The following TGIF2 variants were observed in gnomAD, a reference collection of about 807,000 sequenced individuals.
TGIF2 encodes homeobox protein TGIF2.
Under a neutral mutation model 15.1 loss-of-function variants are expected in TGIF2, and 5 were observed. The observed-to-expected ratio is 0.33, with a 90% CI of 0.17 to 0.70. The LOEUF (loss-of-function observed/expected upper bound fraction) is 0.70. TGIF2 is among the 30% of genes least tolerant of loss of function. The pLI, the probability that TGIF2 is intolerant of heterozygous loss-of-function variation, is 0.67. For missense variants in TGIF2, 264 were observed against 302.5 expected (o/e 0.87, Z 0.94); for synonymous variants, 131 against 128.9 (o/e 1.02, Z -0.11).
rs2038553542 is a variant in TGIF2 at position 36,581,928 on chromosome 20, C to T, written c.192+2962C>T. Reference sequence around the variant, plus strand: ...ACAGGCGTGAGCCACCATGCCTGGCCCATCTTTTTAAAGAAAACATTTTTC... The same window carrying T: ...ACAGGCGTGAGCCACCATGCCTGGCTCATCTTTTTAAAGAAAACATTTTTC... On this transcript the variant is annotated intron_variant, in intron 2 of 2. Coordinates refer to ENST00000373872, the MANE Select transcript of TGIF2 (RefSeq NM_021809.7). 2.6e-5 allele frequency among the ~76,000 whole-genome samples: 4 copies of T among 152,242 alleles called. No homozygotes were observed. The South Asian group carries it at 8.3e-4, about 32-fold the overall frequency.
Position 36,578,924 on chromosome 20 carries a change from G to A in TGIF2, c.150G>A (p.Glu50=), listed in dbSNP as rs375356918. Residue 50 remains glutamate, a synonymous_variant, in exon 2 of 3, where the codon GAG becomes GAA. Coordinates refer to ENST00000373872, the MANE Select transcript of TGIF2 (RefSeq NM_021809.7). The part of the protein sequence containing the change: ...HRYNAYPSEQ[E]KLSLSGQTNL... The stretch of plus-strand genomic sequence containing the variant: ...ACAACGCCTACCCCTCAGAGCAGGA[G>A]AAGCTGAGCCTTTCTGGACAGACCA... 2 of 1,614,086 alleles carry A rather than the reference G, an allele frequency of 1.2e-6. No homozygotes were observed. The highest frequency in any genetic ancestry group is 2.7e-5 in the African/African-American group (2 of 74,932).
At chr20:36,576,531 G>A (rs749613677) in intron 1 of TGIF2, among the ~76,000 whole-genome samples, 5 of 152,258 alleles carry the variant, frequency 3.3e-5, no homozygotes, top group Non-Finnish European at 7.3e-5. Flanking sequence ...CACAAGAGGG[G>A]GTGGGGAGAG....
intron 2 of TGIF2, among the ~76,000 whole-genome samples, chr20:36,585,465 T>TA (rs998173848): frequency 0.12 from 12,557 of 103,756 alleles, 769 homozygotes; most frequent in Admixed American, 0.17. Flanking sequence ...ACTCTGTCTT[T>TA]AAAAAAAAAA....
rs746266570 is a variant in TGIF2, at chr20:36,593,916, CAAAT to C, written c.*2489_*2492del. ...TGTAAATAACTTTTTTGTCTTTTGT[CAAAT>C]AAAATTTTTTTTTGTTTTTTTAAGC... On this transcript the variant is annotated 3_prime_UTR_variant, in exon 3 of 3. Coordinates refer to ENST00000373872, the MANE Select transcript of TGIF2 (RefSeq NM_021809.7). 10 of 152,446 alleles carry C rather than the reference CAAAT, an allele frequency of 6.6e-5. No individual in the cohort carries two copies. The highest frequency in any genetic ancestry group is 1.2e-4 in the Non-Finnish European group (8 of 68,008). The allele number at this position is 152,446 out of a possible 1,614,324, so 9.4% of individuals were successfully genotyped here.
chr20:36,586,948 C>T (rs85440), intron 2 of TGIF2, among the ~76,000 whole-genome samples: 92,030 of 152,048 alleles, frequency 0.61, 30,881 homozygotes, highest in Non-Finnish European at 0.77. Flanking sequence ...AGTGATTCCT[C>T]CCTTGTTCCT....
upstream of TGIF2, chr20:36,573,553 G>A (rs1473233485): frequency 6.6e-6 from 1 of 151,728 alleles, no homozygotes; most frequent in Non-Finnish European, 1.5e-5. Context: ...GGCGGGTGGG[G>A]GAGGGCGCAG....
Position 36,590,984 on chromosome 20 carries a change from T to A in TGIF2, c.267T>A (p.Asn89Lys). ...DMLRKDGKDP[N>K]QFTISRRGGK... The stretch of plus-strand genomic sequence containing the variant: ...TTCGGAAGGATGGCAAAGACCCTAA[T>A]CAGTTTACCATTTCCCGCCGCGGGG... The change falls in exon 3 of 3, where the codon AAT becomes AAA. Residue 89 changes from asparagine to lysine, a missense_variant. Coordinates refer to ENST00000373872, the MANE Select transcript of TGIF2 (RefSeq NM_021809.7). 2 of 1,575,082 alleles carry A rather than the reference T, an allele frequency of 1.3e-6. No homozygotes were observed. Among genetic ancestry groups the A allele is most frequent in the South Asian group, 2.3e-5 (2 of 87,398 alleles).
chr20:36,579,189 T>G (rs532230821), intron 2 of TGIF2, among the ~76,000 whole-genome samples: 1 of 152,276 alleles, frequency 6.6e-6, no homozygotes, highest in East Asian at 1.9e-4. Flanking sequence ...CCTTTTTTTT[T>G]GAGACGGAGT....
intron 2 of TGIF2, among the ~76,000 whole-genome samples, chr20:36,579,515 A>G (rs1332706838): frequency 1.3e-5 from 2 of 152,204 alleles, no homozygotes; most frequent in Admixed American, 1.3e-4. Context: ...TAATGTTGTC[A>G]AAGTCTAGGT....
At position 36,578,735 on chromosome 20, in the gene TGIF2, T is replaced by A. The variant is rs533997755; in HGVS notation, c.-34-6T>A. 2 of 1,573,860 alleles carry A rather than the reference T, an allele frequency of 1.3e-6. No homozygotes were observed. The highest frequency in any genetic ancestry group is 1.2e-5 in the South Asian group (1 of 84,982). On this transcript the variant is annotated splice_region_variant and splice_polypyrimidine_tract_variant and intron_variant, in intron 1 of 2. Coordinates refer to ENST00000373872, the MANE Select transcript of TGIF2 (RefSeq NM_021809.7). ...ATGTTCCCATCCCCTGTGTCCCTTG[T>A]CCCAGGTTTACCCAAGGTCCAGCCT...
intron 1 of TGIF2, among the ~76,000 whole-genome samples, chr20:36,578,345 A>G (rs1392244754): frequency 1.3e-5 from 2 of 151,936 alleles, no homozygotes; most frequent in Non-Finnish European, 2.9e-5. Flanking sequence ...CCCAGGAGAC[A>G]GAAGTTGAAG....
At chr20:36,590,790 C>T in intron 2 of TGIF2, 120 bp from the exon 3 acceptor site, 2 of 1,145,652 alleles carry the variant, frequency 1.7e-6, no homozygotes, top group Non-Finnish European at 2.4e-6. Flanking sequence ...AACTCCTGGG[C>T]TTAAGCAATC....
At chr20:36,582,224 G>A (rs1038919089) in intron 2 of TGIF2, among the ~76,000 whole-genome samples, 7 of 151,930 alleles carry the variant, frequency 4.6e-5, no homozygotes, top group Admixed American at 3.9e-4. Flanking sequence ...CCACAAGAGC[G>A]AAACTCGGTC....
intron 2 of TGIF2, among the ~76,000 whole-genome samples, chr20:36,585,999 C>T (rs554311377): frequency 3.3e-5 from 5 of 152,114 alleles, no homozygotes; most frequent in Non-Finnish European, 7.4e-5. Context: ...GTCCCCCTGG[C>T]GAGGGCTGTT....
intron 2 of TGIF2, among the ~76,000 whole-genome samples, chr20:36,581,606 T>C (rs2038547178): frequency 6.6e-6 from 1 of 152,064 alleles, no homozygotes; most frequent in Non-Finnish European, 1.5e-5. Context: ...ACCTGAGAAA[T>C]ATACTAACTC....
At chr20:36,583,109 C>A (rs1012347360) in intron 2 of TGIF2, among the ~76,000 whole-genome samples, 1 of 151,486 alleles carries the variant, frequency 6.6e-6, no homozygotes, top group Non-Finnish European at 1.5e-5. Context: ...TGGTTAACTT[C>A]TTCAATACTA....
intron 1 of TGIF2, among the ~76,000 whole-genome samples, chr20:36,577,997 T>G (rs1315822529): frequency 6.6e-6 from 1 of 152,186 alleles, no homozygotes; most frequent in Non-Finnish European, 1.5e-5. Flanking sequence ...TGTGTGTGTG[T>G]GAGCCACTGC....
At position 36,591,721 on chromosome 20, in the gene TGIF2, A is replaced by C. The variant is rs1008438923; in HGVS notation, c.*290A>C. ...GCTGCTTCTCCAGAAAATCCCTGGG[A>C]CACCTTTGTTCCAGCCTGGTTTCCT... is the stretch of plus-strand genomic sequence containing the variant. On this transcript the variant is annotated 3_prime_UTR_variant, in exon 3 of 3. Transcript: ENST00000373872. This position sits in a 1 kb window ranked among gnomAD's most constrained non-coding sequence, Gnocchi z 5.3. 1.3e-5 allele frequency: 4 copies of C among 302,024 alleles called. No individual in the cohort carries two copies. The East Asian group carries it at 2.4e-4, about 18-fold the overall frequency. The allele number at this position is 302,024 out of a possible 1,614,324, so 18.7% of individuals were successfully genotyped here.
intron 2 of TGIF2, among the ~76,000 whole-genome samples, chr20:36,585,921 A>G (rs975219571): frequency 2.0e-5 from 3 of 152,206 alleles, no homozygotes; most frequent in Admixed American, 2.0e-4. Context: ...CCTGGCTGTC[A>G]GGACTCCTTT....
Sources: gnomAD v4.1 joint callset for allele counts (sites outside exome capture counted in the v4.1 genomes callset) on GRCh38, gnomAD v4.1.1 for gene constraint, Gnocchi (gnomAD v3.1) non-coding constraint, MANE v1.5 for transcripts, NCBI Gene and HGNC (gene_info 2026-07-23, HGNC 2026-07-21) for gene names.